Variants in TNNI3 observed in about 807,000 individuals in gnomAD.
TNNI3 encodes troponin I, cardiac muscle.
Under a neutral mutation model 31.5 loss-of-function variants are expected in TNNI3, and 23 were observed. That is an observed-to-expected ratio of 0.73 (90% CI 0.52 to 1.03). The LOEUF (loss-of-function observed/expected upper bound fraction) is 1.03, where lower values mean the gene tolerates loss of function less well. Ranked by LOEUF, TNNI3 falls within the 50% of genes least tolerant of loss-of-function variation. TNNI3 has a pLI of 0.00. For synonymous variants in TNNI3, 120 were observed against 111.7 expected (o/e 1.07, Z -0.47); for missense variants, 236 against 282.9 (o/e 0.83, Z 1.19).
Position 55,156,263 on chromosome 19 carries a change from G to A in TNNI3, c.220C>T (p.Arg74Cys), listed in dbSNP as rs375795196. 5.0e-6 allele frequency: 8 copies of A among 1,611,850 alleles called. No homozygotes were observed. The South Asian group carries it at 5.5e-5, about 11-fold the overall frequency. Residue 74 changes from arginine (R) to cysteine (C), a missense_variant, in exon 5 of 8, where the codon CGC becomes TGC. This residue lies in a region of TNNI3 where 172 missense variants were observed against 171.8 expected (regional missense o/e 1.00). Coordinates refer to ENST00000344887, the MANE Select transcript of TNNI3 (RefSeq NM_000363.5). The surrounding 1 kb of genome is among the most constrained non-coding windows in gnomAD (Gnocchi z 4.6). ...EAEERRGEKGRALSTRCQPLE... is the reference protein window; with the variant it reads ...EAEERRGEKGCALSTRCQPLE... ...GGCTGGCAGCGGGTGCTCAGAGCGC[G>A]CCCCTTCTCTCCGCGCCGCTCCTCC...
In TNNI3 at chr19:55,152,389, A is replaced by C. The variant is rs2085700421; in HGVS notation, c.550-472T>G. Among the ~76,000 whole-genome samples the C allele has an allele frequency of 6.6e-6, 1 of 152,212 alleles. No individual in the cohort carries two copies. ...TTACCTGAGGTAAACCATGGCCCAA[A>C]AATATTAAATGGAAAATTCCAGAAA... On this transcript the variant is annotated intron_variant, in intron 7 of 7. Coordinates refer to ENST00000344887, the MANE Select transcript of TNNI3 (RefSeq NM_000363.5). The surrounding 1 kb of genome is among the most constrained non-coding windows in gnomAD (Gnocchi z 4.0).
chr19:55,156,610 T>G lies in TNNI3; in HGVS notation c.143A>C (p.Gln48Pro), dbSNP rs200720341. 19 of 1,564,154 alleles carry G rather than the reference T, an allele frequency of 1.2e-5. No individual in the cohort carries two copies. In the South Asian group the frequency reaches 2.2e-4, roughly 18 times the overall value. Reference sequence around the variant, plus strand: ...AGTCCCGCCCGTCCTCACCTTCAGCTGCAATTTTCTCGAGGCGGAGATCTT... The same window carrying G: ...AGTCCCGCCCGTCCTCACCTTCAGCGGCAATTTTCTCGAGGCGGAGATCTT... ...KSKISASRKLQLKTLLLQIAK... is the reference protein window; with the variant it reads ...KSKISASRKLPLKTLLLQIAK... The change falls in exon 4 of 8, where the codon CAG becomes CCG. Residue 48 changes from glutamine (Q) to proline (P), a missense_variant. Gln to Pro is a moderately conservative substitution (Grantham distance 76). Coordinates refer to ENST00000344887, the MANE Select transcript of TNNI3 (RefSeq NM_000363.5). This position sits in a 1 kb window ranked among gnomAD's most constrained non-coding sequence, Gnocchi z 4.6.
At position 55,152,165 on chromosome 19, in the gene TNNI3, T is replaced by G. The variant is rs577473242; in HGVS notation, c.550-248A>C. On this transcript the variant is annotated intron_variant, in intron 7 of 7. Coordinates refer to ENST00000344887, the MANE Select transcript of TNNI3 (RefSeq NM_000363.5). This position sits in a 1 kb window ranked among gnomAD's most constrained non-coding sequence, Gnocchi z 4.0. ...TCCCCAGCACTTCCTGTCTCCCTCATGTACTTTCTGTCTTTCCCCATCCAC... is the reference window on the plus strand; with the variant it reads ...TCCCCAGCACTTCCTGTCTCCCTCAGGTACTTTCTGTCTTTCCCCATCCAC... Among the ~76,000 whole-genome samples, 1 of 145,816 alleles carries G rather than the reference T, an allele frequency of 6.9e-6. No individual in the cohort carries two copies. The highest frequency in any genetic ancestry group is 2.6e-5 in the African/African-American group (1 of 38,560).
rs772928416 is a variant in TNNI3, at chr19:55,156,219, C to T, written c.264G>A (p.Leu88=). 3 of 1,612,736 alleles carry T rather than the reference C, an allele frequency of 1.9e-6. No individual in the cohort carries two copies. The highest frequency in any genetic ancestry group is 2.5e-6 in the Non-Finnish European group (3 of 1,179,850). Residue 88 remains leucine, a synonymous_variant, in exon 5 of 8, where the codon CTG becomes CTA. Transcript: ENST00000344887. This position sits in a 1 kb window ranked among gnomAD's most constrained non-coding sequence, Gnocchi z 4.6. ...CCGGTACCTGCAGCTCCGCGAAGCC[C>T]AGCCCGGCCAACTCCAGCGGCTGGC... The part of the protein sequence containing the change: ...TRCQPLELAG[L]GFAELQDLCR...
intron 7 of TNNI3, 145 bp downstream of exon 7, chr19:55,153,885 C>T (rs1403655671): frequency 1.5e-6 from 1 of 647,610 alleles, no homozygotes; most frequent in African/African-American, 3.1e-5. Context: ...CTTCTACTTC[C>T]TGTCTTCCTC....
At position 55,157,478 on chromosome 19, in the gene TNNI3, A is replaced by G; in HGVS notation, c.11+101T>C. Reference sequence around the variant, plus strand: ...TTCCTCTCTTCACCCAAGAGTCCCTACGCCTACCTCGCAGGCCAAGGGTCC... The same window carrying G: ...TTCCTCTCTTCACCCAAGAGTCCCTGCGCCTACCTCGCAGGCCAAGGGTCC... On this transcript the variant is annotated intron_variant, in intron 1 of 7. Coordinates refer to ENST00000344887, the MANE Select transcript of TNNI3 (RefSeq NM_000363.5). The surrounding 1 kb of genome is among the most constrained non-coding windows in gnomAD (Gnocchi z 6.3). 1 of 1,579,190 alleles carries G rather than the reference A, an allele frequency of 6.3e-7. No homozygotes were observed. The highest frequency in any genetic ancestry group is 1.3e-5 in the African/African-American group (1 of 74,238).
rs749003695 is a variant in TNNI3 at position 55,151,959 on chromosome 19, G to C, written c.550-42C>G. The C allele has an allele frequency of 1.5e-5, 24 of 1,576,300 alleles. 1 individual carries two copies. Among genetic ancestry groups the C allele is most frequent in the East Asian group, 4.5e-5 (2 of 44,526 alleles). ...AGTCAGAGGTTAGGGTCTCTTCTTG[G>C]TCTCCAGTCTCTCAAGAATCCCTGT... is the stretch of plus-strand genomic sequence containing the variant. On this transcript the variant is annotated intron_variant, in intron 7 of 7. Coordinates refer to ENST00000344887, the MANE Select transcript of TNNI3 (RefSeq NM_000363.5).
At chr19:55,154,641 G>T in intron 6 of TNNI3, 100 bp downstream of exon 6, 1 of 1,008,388 alleles carries the variant, frequency 9.9e-7, no homozygotes, top group Non-Finnish European at 1.5e-6. Context: ...TGGGTCTCCT[G>T]GGATGTGCAG....
chr19:55,156,825 C>A lies in TNNI3; in HGVS notation c.109-181G>T. 1 of 858,944 alleles carries A rather than the reference C, an allele frequency of 1.2e-6. No homozygotes were observed. The allele number at this position is 858,944 out of a possible 1,614,324, so 53.2% of individuals were successfully genotyped here. A position where few individuals can be genotyped will look rare whatever the true frequency, so the allele number is the denominator to read the frequency against. On this transcript the variant is annotated intron_variant, in intron 3 of 7. Coordinates refer to ENST00000344887, the MANE Select transcript of TNNI3 (RefSeq NM_000363.5). This position sits in a 1 kb window ranked among gnomAD's most constrained non-coding sequence, Gnocchi z 4.6. ...TCCCATCCACCAATCTGGGTCTCTT[C>A]CTTTGGATAGGCACTTCCCATCTAT...
In TNNI3 at chr19:55,152,759, G is replaced by A. The variant is rs553891014; in HGVS notation, c.550-842C>T. ...TCTCACCTCAGACTCCTGAGGAGCT[G>A]GGACCACAGGTGTGTGCCACCATGC... On this transcript the variant is annotated intron_variant, in intron 7 of 7. Transcript: ENST00000344887. The surrounding 1 kb of genome is among the most constrained non-coding windows in gnomAD (Gnocchi z 4.0). Among the ~76,000 whole-genome samples, 17 of 152,234 alleles carry A rather than the reference G, an allele frequency of 1.1e-4. No homozygotes were observed. Among genetic ancestry groups the A allele is most frequent in the African/African-American group, 4.1e-4 (17 of 41,556 alleles).
chr19:55,156,758 T>C lies in TNNI3; in HGVS notation c.109-114A>G. ...CAGCCGGTCCAGATTTGGGCCCACG[T>C]CCAACTTGAGCCCTGAGTCTACGGG... On this transcript the variant is annotated intron_variant, in intron 3 of 7. Transcript: ENST00000344887. This position sits in a 1 kb window ranked among gnomAD's most constrained non-coding sequence, Gnocchi z 4.6. 8.1e-7 allele frequency: 1 copy of C among 1,230,990 alleles called. No individual in the cohort carries two copies. Among genetic ancestry groups the C allele is most frequent in the Admixed American group, 2.0e-5 (1 of 50,492 alleles). The allele number at this position is 1,230,990 out of a possible 1,614,324, so 76.3% of individuals were successfully genotyped here. A position where few individuals can be genotyped will look rare whatever the true frequency, so the allele number is the denominator to read the frequency against.
At position 55,154,025 on chromosome 19, in the gene TNNI3, C is replaced by T; in HGVS notation, c.549+5G>A. 1.2e-6 allele frequency: 2 copies of T among 1,611,532 alleles called. No homozygotes were observed. The highest frequency in any genetic ancestry group is 8.5e-7 in the Non-Finnish European group (1 of 1,179,972). Reference sequence around the variant, plus strand: ...TCCTCTTTCCTGGCCTTAGCCCACACTCACCTTCTCGGTGTCCTCCTTCTT... The same window carrying T: ...TCCTCTTTCCTGGCCTTAGCCCACATTCACCTTCTCGGTGTCCTCCTTCTT... On this transcript the variant is annotated splice_donor_5th_base_variant and intron_variant, in intron 7 of 7. Coordinates refer to ENST00000344887, the MANE Select transcript of TNNI3 (RefSeq NM_000363.5).
In TNNI3 at chr19:55,155,018, G is replaced by A. The variant is rs200556557; in HGVS notation, c.283-188C>T. On this transcript the variant is annotated intron_variant, in intron 5 of 7. Coordinates refer to ENST00000344887, the MANE Select transcript of TNNI3 (RefSeq NM_000363.5). Reference sequence around the variant, plus strand: ...CTGGACTCCTGGGTTTGAGGGAGGAGAAGGGGCTGGGGGCCTGGACTCCTG... The same window carrying A: ...CTGGACTCCTGGGTTTGAGGGAGGAAAAGGGGCTGGGGGCCTGGACTCCTG... Among the ~76,000 whole-genome samples the A allele has an allele frequency of 4.6e-4, 67 of 145,536 alleles. 2 individuals carry two copies. The highest frequency in any genetic ancestry group is 3.6e-3 in the East Asian group (17 of 4,664).
rs779831739 is a variant in TNNI3 at position 55,156,168 on chromosome 19, GA to G, written c.282+32del. On this transcript the variant is annotated intron_variant, in intron 5 of 7. Coordinates refer to ENST00000344887, the MANE Select transcript of TNNI3 (RefSeq NM_000363.5). The surrounding 1 kb of genome is among the most constrained non-coding windows in gnomAD (Gnocchi z 4.6). The stretch of plus-strand genomic sequence containing the variant: ...TAGAGGCTGTACTGCTGAATTCCGG[GA>G]CTAGAAACCTCGCATCCTTGGGAGC... The G allele has an allele frequency of 5.0e-6, 8 of 1,612,544 alleles. No individual in the cohort carries two copies. Among genetic ancestry groups the G allele is most frequent in the Admixed American group, 3.3e-5 (2 of 59,992 alleles).
rs372100761 is a variant in TNNI3 at position 55,157,517 on chromosome 19, C to A, written c.11+62G>T. On this transcript the variant is annotated intron_variant, in intron 1 of 7. Transcript: ENST00000344887. This position sits in a 1 kb window ranked among gnomAD's most constrained non-coding sequence, Gnocchi z 6.3. Reference sequence around the variant, plus strand: ...GGCCAAGGGTCCAGCCTCTCAGCTGCGACCCCTCTTGGGAACCCGGGAGGT... The same window carrying A: ...GGCCAAGGGTCCAGCCTCTCAGCTGAGACCCCTCTTGGGAACCCGGGAGGT... The A allele has an allele frequency of 7.9e-5, 126 of 1,604,750 alleles. 1 individual carries two copies. Among genetic ancestry groups the A allele is most frequent in the Non-Finnish European group, 9.9e-5 (116 of 1,172,832 alleles).
Position 55,157,376 on chromosome 19 carries a change from G to A in TNNI3, c.12-68C>T. 1 of 1,610,682 alleles carries A rather than the reference G, an allele frequency of 6.2e-7. No homozygotes were observed. The highest frequency in any genetic ancestry group is 8.5e-7 in the Non-Finnish European group (1 of 1,178,426). ...TGTCCTGTCTCCTAAGGGACCCCTG[G>A]AGTCCCCTCTGAACAAGAGGTCGGG... On this transcript the variant is annotated intron_variant, in intron 1 of 7. Coordinates refer to ENST00000344887, the MANE Select transcript of TNNI3 (RefSeq NM_000363.5). The surrounding 1 kb of genome is among the most constrained non-coding windows in gnomAD (Gnocchi z 6.3).
In TNNI3 at chr19:55,157,655, G is replaced by C; in HGVS notation, c.-66C>G. The C allele has an allele frequency of 6.2e-7, 1 of 1,604,622 alleles. No homozygotes were observed. Among genetic ancestry groups the C allele is most frequent in the Non-Finnish European group, 8.5e-7 (1 of 1,173,148 alleles). On this transcript the variant is annotated 5_prime_UTR_variant, in exon 1 of 8. Coordinates refer to ENST00000344887, the MANE Select transcript of TNNI3 (RefSeq NM_000363.5). The surrounding 1 kb of genome is among the most constrained non-coding windows in gnomAD (Gnocchi z 6.3). ...ACAGGGGCGTTTGGAGGGTCAGTGA[G>C]GGGGCCGCCCGGGTGACCTTCAGGG...
At position 55,152,289 on chromosome 19, in the gene TNNI3, C is replaced by T. The variant is rs939971396; in HGVS notation, c.550-372G>A. The stretch of plus-strand genomic sequence containing the variant: ...CCTCCACTTCCTGTCTGCCTTATGC[C>T]CTTCCTGTCTCCTTCCTTCTCTTCT... On this transcript the variant is annotated intron_variant, in intron 7 of 7. Coordinates refer to ENST00000344887, the MANE Select transcript of TNNI3 (RefSeq NM_000363.5). This position sits in a 1 kb window ranked among gnomAD's most constrained non-coding sequence, Gnocchi z 4.0. Among the ~76,000 whole-genome samples the T allele has an allele frequency of 2.6e-5, 4 of 152,104 alleles. No homozygotes were observed. Among genetic ancestry groups the T allele is most frequent in the Non-Finnish European group, 5.9e-5 (4 of 68,024 alleles).
At position 55,156,836 on chromosome 19, in the gene TNNI3, G is replaced by T; in HGVS notation, c.109-192C>A. The T allele has an allele frequency of 3.6e-6, 3 of 832,066 alleles. No individual in the cohort carries two copies. Among genetic ancestry groups the T allele is most frequent in the Middle Eastern group, 3.0e-4 (1 of 3,338 alleles). 51.5% of individuals were successfully genotyped at this position (832,066 alleles called of 1,614,324 possible). ...AATCTGGGTCTCTTCCTTTGGATAG[G>T]CACTTCCCATCTATCCCTAAGCAAG... On this transcript the variant is annotated intron_variant, in intron 3 of 7. Transcript: ENST00000344887. The surrounding 1 kb of genome is among the most constrained non-coding windows in gnomAD (Gnocchi z 4.6).
Sources: allele counts gnomAD v4.1 joint callset (sites outside exome capture counted in the v4.1 genomes callset), GRCh38; gene constraint gnomAD v4.1.1; regional missense constraint gnomAD v4.1.1; non-coding constraint Gnocchi (gnomAD v3.1); transcripts MANE v1.5; gene names NCBI Gene and HGNC (gene_info 2026-07-23, HGNC 2026-07-21).